The following KCNMB3 variants were observed in gnomAD, a reference collection of about 807,000 sequenced individuals.
The protein encoded by KCNMB3 is calcium-activated potassium channel subunit beta-3.
KCNMB3 carries 18 observed loss-of-function variants against 11.9 expected under a neutral mutation model. The observed-to-expected ratio is 1.51, with a 90% confidence interval of 1.04 to 2.23. The LOEUF is 2.23. Ranked by LOEUF, KCNMB3 falls within the 30% of genes most tolerant of loss-of-function variation. KCNMB3 has a pLI of 0.00. For missense variants in KCNMB3, 247 were observed against 329.4 expected, an observed-to-expected ratio of 0.75 and a Z score of 1.94; for synonymous variants, 78 against 119.2, an observed-to-expected ratio of 0.65 and a Z score of 2.25.
upstream of KCNMB3, among the ~76,000 whole-genome samples, chr3:179,252,966 G>T (rs768432312): frequency 6.6e-6 from 1 of 151,936 alleles, no homozygotes; most frequent in Non-Finnish European, 1.5e-5. Context: ...TCCTGACCTC[G>T]TGATCCACCC....
chr3:179,256,405 C>G (rs1223860136), upstream of KCNMB3, among the ~76,000 whole-genome samples: 1 of 151,944 alleles, frequency 6.6e-6, no homozygotes, highest in East Asian at 1.9e-4. Context: ...CACTGCACTC[C>G]AGCCTGGGCA....
chr3:179,257,855 G>T (rs1726064200), intron 1 of KCNMB3, among the ~76,000 whole-genome samples: 1 of 144,608 alleles, frequency 6.9e-6, no homozygotes, highest in Admixed American at 7.2e-5. Context: ...TAGGGTTACA[G>T]GCATGAAAAC....
chr3:179,249,868 A>C (rs1208979764), intron 1 of KCNMB3, among the ~76,000 whole-genome samples: 1 of 152,126 alleles, frequency 6.6e-6, no homozygotes, highest in Non-Finnish European at 1.5e-5. Flanking sequence ...AGCAACACAC[A>C]CTGGGGCCTC....
At chr3:179,263,460 C>T (rs147700949) in intron 1 of KCNMB3, among the ~76,000 whole-genome samples, 2 of 152,374 alleles carry the variant, frequency 1.3e-5, no homozygotes, top group African/African-American at 2.4e-5. Flanking sequence ...GCTCCTCAGG[C>T]GCGGCCAGAG....
intron 1 of KCNMB3, among the ~76,000 whole-genome samples, chr3:179,262,402 G>A (rs556454773): frequency 4.6e-5 from 7 of 152,258 alleles, no homozygotes; most frequent in Middle Eastern, 3.4e-3. Flanking sequence ...CATTCCTCCC[G>A]ATGGGTTCGT....
downstream of KCNMB3, chr3:179,242,569 T>G (rs1199447493): frequency 5.1e-6 from 1 of 196,912 alleles, no homozygotes. Context: ...TTCAGTAGAT[T>G]AGATACCCTC....
intron 1 of KCNMB3, among the ~76,000 whole-genome samples, chr3:179,245,370 G>A (rs1576954995): frequency 6.6e-6 from 1 of 152,158 alleles, no homozygotes; most frequent in South Asian, 2.1e-4. Flanking sequence ...TCTCTCAGTA[G>A]AATACTTACC....
chr3:179,252,505 G>C (rs1725879634), upstream of KCNMB3, among the ~76,000 whole-genome samples: 1 of 151,704 alleles, frequency 6.6e-6, no homozygotes, highest in Non-Finnish European at 1.5e-5. Context: ...ACATCTTTAG[G>C]TTCTAAAGCG....
intron 1 of KCNMB3, among the ~76,000 whole-genome samples, chr3:179,264,313 G>A (rs887676560): frequency 2.6e-5 from 4 of 151,652 alleles, no homozygotes; most frequent in African/African-American, 9.7e-5. Context: ...GTTGTTTCCA[G>A]TTTTCTCAGA....
intron 1 of KCNMB3, among the ~76,000 whole-genome samples, chr3:179,247,055 A>C (rs1414644914): frequency 6.6e-6 from 1 of 152,198 alleles, no homozygotes; most frequent in African/African-American, 2.4e-5. Flanking sequence ...TTATGGAGCA[A>C]AACTACTCGC....
chr3:179,259,069 T>C, intron 1 of KCNMB3: 1 of 1,609,628 alleles, frequency 6.2e-7, no homozygotes, highest in South Asian at 1.1e-5. Context: ...TTCCCTCCTC[T>C]GGTATCTTCT....
intron 1 of KCNMB3, chr3:179,260,885 G>C (rs760579927): frequency 2.0e-5 from 23 of 1,149,742 alleles, no homozygotes; most frequent in Non-Finnish European, 2.3e-5. Context: ...AATGAAGTTT[G>C]TGTTTTCATT....
upstream of KCNMB3, among the ~76,000 whole-genome samples, chr3:179,252,052 C>T (rs185537173): frequency 6.6e-6 from 1 of 152,160 alleles, no homozygotes; most frequent in Admixed American, 6.5e-5. Flanking sequence ...TGTGGGATAA[C>T]TTGTTAAGAC....
rs1032244881 is a variant in KCNMB3 at position 179,261,270 on chromosome 3, T to A, written c.62+5379A>T. On this transcript the variant is annotated intron_variant, in intron 1 of 3. Transcript: ENST00000349697. ...CGGCTCTGCGTGGCCGCGGGGCTGG[T>A]CAACCTGCTGGGCTCGGCCCGCTCC... 74 of 1,307,764 alleles carry A rather than the reference T, an allele frequency of 5.7e-5. No homozygotes were observed. The South Asian group carries it at 1.4e-3, about 24-fold the overall frequency. 81.0% of individuals were successfully genotyped at this position (1,307,764 alleles called of 1,614,324 possible). A position where few individuals can be genotyped will look rare whatever the true frequency, so the allele number is the denominator to read the frequency against.
At chr3:179,243,947 A>T (rs1725549231) in intron 2 of KCNMB3, among the ~76,000 whole-genome samples, 1 of 152,244 alleles carries the variant, frequency 6.6e-6, no homozygotes, top group Admixed American at 6.5e-5. Flanking sequence ...AAGTCATCGG[A>T]TTGAAATTGA....
intron 1 of KCNMB3, chr3:179,259,819 T>C: frequency 6.2e-7 from 1 of 1,604,708 alleles, no homozygotes; most frequent in Non-Finnish European, 8.5e-7. Context: ...GAGGGTTCAC[T>C]TTGAGTGTCT....
intron 1 of KCNMB3, among the ~76,000 whole-genome samples, chr3:179,247,047 A>G (rs1725666427): frequency 6.6e-6 from 1 of 152,194 alleles, no homozygotes; most frequent in African/African-American, 2.4e-5. Flanking sequence ...ACCACCCTTT[A>G]TGGAGCAAAA....
At position 179,250,948 on chromosome 3, in the gene KCNMB3, G is replaced by C; in HGVS notation, c.43C>G (p.Pro15Ala). 1 of 1,614,158 alleles carries C rather than the reference G, an allele frequency of 6.2e-7. No individual in the cohort carries two copies. The highest frequency in any genetic ancestry group is 1.1e-5 in the South Asian group (1 of 91,074). Residue 15 changes from proline to alanine, a missense_variant, in exon 1 of 3, where the codon CCC becomes GCC. By Grantham distance (27) the Pro-to-Ala change is conservative. This residue lies in a region of KCNMB3 where 160 missense variants were observed against 157.5 expected (regional missense o/e 1.02). Transcript: ENST00000392685. ...LYELTAVSPS[P>A]FPQRTAFPAS... ...GGAAAGGCTGTCCTTTGGGGAAAGG[G>C]AGAAGGAGATACTGCAGTGAGCTCA...
At chr3:179,259,699 C>G in intron 1 of KCNMB3, 1 of 1,595,668 alleles carries the variant, frequency 6.3e-7, no homozygotes, top group Non-Finnish European at 8.5e-7. Context: ...TCTATGGGTA[C>G]TGGGGATTTT....
Sources: gnomAD v4.1 joint callset for allele counts (sites outside exome capture counted in the v4.1 genomes callset) on GRCh38, gnomAD v4.1.1 for gene constraint, gnomAD v4.1.1 regional missense constraint, MANE v1.5 for transcripts, NCBI Gene and HGNC (gene_info 2026-07-23, HGNC 2026-07-21) for gene names.